The following DACH2 variants were observed in gnomAD, a reference collection of about 807,000 sequenced individuals.
The protein encoded by DACH2 is dachshund homolog 2.
DACH2 carries 17 observed loss-of-function variants against 35.8 expected under a neutral mutation model. The ratio of observed to expected loss-of-function variants is 0.48; its 90% CI spans 0.33 to 0.71. DACH2 has a LOEUF of 0.71. DACH2 is among the 30% of genes least tolerant of loss of function. The pLI is 0.02. For synonymous variants in DACH2, 195 were observed against 177.3 expected (o/e 1.10, Z -0.79); for missense variants, 469 against 472.7 (o/e 0.99, Z 0.07).
intron 2 of DACH2, among the ~76,000 whole-genome samples, chrX:86,446,447 C>G (rs970346696): frequency 1.7e-5 from 1 of 58,575 alleles, no homozygotes; most frequent in Non-Finnish European, 3.1e-5. Flanking sequence ...CTCCCCCCTC[C>G]CCCGACCCCA....
At chrX:86,679,230 G>C (rs1028620407) in intron 4 of DACH2, among the ~76,000 whole-genome samples, 18 of 111,809 alleles carry the variant, frequency 1.6e-4, no homozygotes, top group Non-Finnish European at 2.6e-4. Context: ...TTGCTTTTAA[G>C]GCCTTTTGAT....
chrX:86,274,876 A>G (rs938150058), intron 1 of DACH2, among the ~76,000 whole-genome samples: 1 of 111,455 alleles, frequency 9.0e-6, no homozygotes, highest in Non-Finnish European at 1.9e-5. Flanking sequence ...GGAGTGTTGG[A>G]GGAAGAATTA....
At chrX:86,575,634 T>C (rs1318708840) in intron 3 of DACH2, among the ~76,000 whole-genome samples, 1 of 111,885 alleles carries the variant, frequency 8.9e-6, no homozygotes, top group Non-Finnish European at 1.9e-5. Context: ...GTTATTAATG[T>C]AATAGAAGAA....
chrX:86,754,879 C>CA (rs1424748613), intron 7 of DACH2, among the ~76,000 whole-genome samples: 1 of 111,486 alleles, frequency 9.0e-6, no homozygotes, highest in African/African-American at 3.3e-5. Flanking sequence ...AACGGTGCTG[C>CA]AAAAAACATG....
At chrX:86,302,666 T>C (rs773976855) in intron 1 of DACH2, among the ~76,000 whole-genome samples, 2 of 110,583 alleles carry the variant, frequency 1.8e-5, no homozygotes, top group East Asian at 2.8e-4. Flanking sequence ...AGTTTGAAAG[T>C]AGTATACAAT....
chrX:86,438,405 T>C (rs1475921143), intron 2 of DACH2, among the ~76,000 whole-genome samples: 1 of 110,185 alleles, frequency 9.1e-6, no homozygotes, highest in African/African-American at 3.3e-5. Context: ...TTTGTATTTT[T>C]AGTAGAGACG....
intron 7 of DACH2, among the ~76,000 whole-genome samples, chrX:86,788,369 A>G (rs942219945): frequency 3.5e-4 from 39 of 110,840 alleles, no homozygotes; most frequent in African/African-American, 1.3e-3. Flanking sequence ...ACAGCTTAAC[A>G]ACCACCTGAC....
chrX:86,258,289 T>A (rs2033562842), intron 1 of DACH2, among the ~76,000 whole-genome samples: 1 of 112,005 alleles, frequency 8.9e-6, no homozygotes, highest in Non-Finnish European at 1.9e-5. Context: ...CATTCTAAAC[T>A]TCCCAGATGT....
At chrX:86,555,184 G>A (rs2039101258) in intron 3 of DACH2, among the ~76,000 whole-genome samples, 1 of 111,652 alleles carries the variant, frequency 9.0e-6, no homozygotes, top group African/African-American at 3.2e-5. Context: ...TAACGCCACA[G>A]GATACTTATA....
chrX:86,789,545 T>C (rs778868473), intron 7 of DACH2, among the ~76,000 whole-genome samples: 5 of 111,966 alleles, frequency 4.5e-5, no homozygotes, highest in Non-Finnish European at 7.5e-5. Context: ...CATATCCCTG[T>C]CTTTTAATTA....
intron 4 of DACH2, among the ~76,000 whole-genome samples, chrX:86,687,061 G>A (rs991085885): frequency 8.9e-6 from 1 of 112,223 alleles, no homozygotes; most frequent in African/African-American, 3.2e-5. Context: ...CCTGTGGTGA[G>A]TACTTATATT....
intron 7 of DACH2, 129 bp downstream of exon 7, chrX:86,740,011 T>G (rs2041637352): frequency 1.6e-6 from 1 of 621,812 alleles, no homozygotes; most frequent in Non-Finnish European, 2.3e-6. Context: ...TTTTGAAATT[T>G]GGTCTTTTGT....
Position 86,526,230 on chromosome X carries a change from A to G in DACH2, c.640+11839A>G, listed in dbSNP as rs746615516. On this transcript the variant is annotated intron_variant, in intron 3 of 11. Coordinates refer to ENST00000373125, the MANE Select transcript of DACH2 (RefSeq NM_053281.3). Reference sequence around the variant, plus strand: ...TCCAAGGGATTCTGCAGAGCAAAATAGAGTGTCTATCATTTCCTATTGAAG... The same window carrying G: ...TCCAAGGGATTCTGCAGAGCAAAATGGAGTGTCTATCATTTCCTATTGAAG... Among the ~76,000 whole-genome samples, 3 of 112,014 alleles carry G rather than the reference A, an allele frequency of 2.7e-5. No homozygotes were observed. The South Asian group carries it at 1.1e-3, about 41-fold the overall frequency.
At chrX:86,151,678 T>A (rs912504278) in intron 1 of DACH2, among the ~76,000 whole-genome samples, 2 of 111,700 alleles carry the variant, frequency 1.8e-5, no homozygotes, top group African/African-American at 6.5e-5. Context: ...ATAAATGCTT[T>A]ATGATGTTAG....
intron 1 of DACH2, among the ~76,000 whole-genome samples, chrX:86,243,312 A>C (rs2033208549): frequency 8.9e-6 from 1 of 111,826 alleles, no homozygotes; most frequent in South Asian, 3.7e-4. Flanking sequence ...ATATTTGTCA[A>C]ATAGGTAGAT....
At chrX:86,468,853 G>T (rs955234532) in intron 2 of DACH2, among the ~76,000 whole-genome samples, 5 of 111,523 alleles carry the variant, frequency 4.5e-5, no homozygotes, top group African/African-American at 1.6e-4. Context: ...CCCACTGCTG[G>T]CTATGTCTCC....
At chrX:86,150,165 G>A (rs778989721) in intron 1 of DACH2, among the ~76,000 whole-genome samples, 5 of 112,363 alleles carry the variant, frequency 4.4e-5, no homozygotes, top group Non-Finnish European at 9.4e-5. Flanking sequence ...CTGTGAATTA[G>A]TCTTCTAGTG....
At chrX:86,719,463 T>G in intron 6 of DACH2, among the ~76,000 whole-genome samples, 1 of 111,980 alleles carries the variant, frequency 8.9e-6, no homozygotes, top group East Asian at 2.8e-4. Flanking sequence ...TTCTTTTGCA[T>G]GATTGCTCTG....
intron 4 of DACH2, among the ~76,000 whole-genome samples, chrX:86,687,903 G>A (rs2040965686): frequency 9.1e-6 from 1 of 109,379 alleles, no homozygotes; most frequent in South Asian, 4.0e-4. Flanking sequence ...AGGGTGGGGG[G>A]CTAGGGGAGG....
Sources: allele counts gnomAD v4.1 joint callset (sites outside exome capture counted in the v4.1 genomes callset), GRCh38; gene constraint gnomAD v4.1.1; transcripts MANE v1.5; gene names NCBI Gene and HGNC (gene_info 2026-07-23, HGNC 2026-07-21).